The following COL18A1 variants were observed in gnomAD, a reference collection of about 807,000 sequenced individuals.
COL18A1 encodes collagen type XVIII alpha 1 chain.
COL18A1 carries 133 observed loss-of-function variants against 168.0 expected under a neutral mutation model. That is an observed-to-expected ratio of 0.79 (90% CI 0.69 to 0.91). The LOEUF (loss-of-function observed/expected upper bound fraction) is 0.91, where lower values mean the gene tolerates loss of function less well. COL18A1 is among the 40% of genes least tolerant of loss of function. The pLI is 0.00. For synonymous variants in COL18A1, 949 were observed against 809.0 expected (o/e 1.17, Z -2.94); for missense variants, 2,126 against 1,925.4 (o/e 1.10, Z -1.95).
intron 2 of COL18A1, among the ~76,000 whole-genome samples, chr21:45,442,961 G>GGGT (rs2034416839): frequency 2.2e-5 from 3 of 134,880 alleles, no homozygotes; most frequent in Non-Finnish European, 4.6e-5. Flanking sequence ...GTGCTGATGT[G>GGGT]GGTGGTGGTG....
chr21:45,442,835 C>CGGTCCTGGTGTGGGCGGA (rs1261501195), intron 2 of COL18A1, among the ~76,000 whole-genome samples: 1 of 136,028 alleles, frequency 7.4e-6, no homozygotes, highest in Non-Finnish European at 1.6e-5. Context: ...GTGTGGGCGG[C>CGGTCCTGGTGTGGGCGGA]GGTCCTGGTG....
At position 45,446,174 on chromosome 21, in the gene COL18A1, G is replaced by A. The variant is rs954059860; in HGVS notation, c.107-22068G>A. Among the ~76,000 whole-genome samples, 4 of 152,298 alleles carry A rather than the reference G, an allele frequency of 2.6e-5. No individual in the cohort carries two copies. In the East Asian group the frequency reaches 7.7e-4, roughly 29 times the overall value. ...TCTGTTCGTTGGCCCAGCACCGTTT[G>A]TTGAAGGCTGCTCTTTCCTCACTGA... On this transcript the variant is annotated intron_variant, in intron 2 of 41. Coordinates refer to ENST00000651438, the MANE Select transcript of COL18A1 (RefSeq NM_001379500.1).
intron 26 of COL18A1, 97 bp downstream of exon 26, chr21:45,493,672 C>T: frequency 2.2e-6 from 2 of 889,668 alleles, no homozygotes; most frequent in Non-Finnish European, 1.8e-6. Context: ...GCTCCTGATG[C>T]ACGAGCCTCT....
intron 12 of COL18A1, 47 bp from the exon 13 acceptor site, chr21:45,480,653 G>A (rs1190303060): frequency 1.2e-6 from 2 of 1,611,178 alleles, no homozygotes; most frequent in Admixed American, 1.7e-5. Flanking sequence ...GGTCATCCCT[G>A]GTGGGTGCCA....
chr21:45,492,748 G>GCC (rs1555870091), intron 24 of COL18A1, 35 bp downstream of exon 24: 38 of 1,530,320 alleles, frequency 2.5e-5, no homozygotes, highest in Non-Finnish European at 3.1e-5. Flanking sequence ...CATGCTGCCC[G>GCC]GCTGGGGAGG....
In COL18A1 at chr21:45,476,369, A is replaced by C; in HGVS notation, c.817A>C (p.Arg273=). The change falls in exon 6 of 42, where the codon AGG becomes CGG. Residue 273 remains arginine, a synonymous_variant. Transcript: ENST00000651438. ...CCTCCAGGGCGCGGCCCTAAAACCC[A>C]GGCTCCCCGCGCCACCCCCCGTCAC... ...REETGAALKP[R]LPAPPPVTTP... is the part of the protein sequence containing the mutation. 1 of 1,614,044 alleles carries C rather than the reference A, an allele frequency of 6.2e-7. No homozygotes were observed. The highest frequency in any genetic ancestry group is 8.5e-7 in the Non-Finnish European group (1 of 1,180,002).
At chr21:45,499,322 GAC>G (rs2036655127) in intron 32 of COL18A1, among the ~76,000 whole-genome samples, 1 of 152,266 alleles carries the variant, frequency 6.6e-6, no homozygotes. Flanking sequence ...GATGGGGAGA[GAC>G]AACGCTGGCA....
intron 3 of COL18A1, among the ~76,000 whole-genome samples, chr21:45,470,127 G>A (rs897775038): frequency 3.9e-5 from 6 of 152,244 alleles, no homozygotes; most frequent in Middle Eastern, 3.2e-3. Context: ...AGGGAGAGCC[G>A]GGCCACCGCC....
chr21:45,490,850 C>A lies in COL18A1; in HGVS notation c.2046C>A (p.Asp682Glu). 1 of 1,550,112 alleles carries A rather than the reference C, an allele frequency of 6.5e-7. No homozygotes were observed. ...GIAGPQGPKG[D>E]RGSRGEKGDP... ...TGTCTCTCCAGGGGCCAAAGGGAGA[C>A]AGAGGCAGCCGGGGAGAAAAGGTGA... is the stretch of plus-strand genomic sequence containing the variant. The change falls in exon 21 of 42, where the codon GAC (aspartate) becomes GAA (glutamate). Residue 682 changes from aspartate to glutamate, a missense_variant. By Grantham distance (45) the Asp-to-Glu change is conservative. Coordinates refer to ENST00000651438, the MANE Select transcript of COL18A1 (RefSeq NM_001379500.1).
chr21:45,505,262 T>A lies in COL18A1; in HGVS notation c.2997T>A (p.Pro999=), dbSNP rs778364546. The part of the protein sequence containing the change: ...PPGPPGPPSF[P]GPHRQTISVP... Reference sequence around the variant, plus strand: ...GCCCCCCAGGGCCCCCTTCATTTCCTGGCCCTCACAGGCAGAGTAAGTCAG... The same window carrying A: ...GCCCCCCAGGGCCCCCTTCATTTCCAGGCCCTCACAGGCAGAGTAAGTCAG... Residue 999 remains proline (P), a synonymous_variant, in exon 35 of 42, where the codon CCT becomes CCA. Transcript: ENST00000651438. 6.2e-7 allele frequency: 1 copy of A among 1,607,854 alleles called. No individual in the cohort carries two copies. Among genetic ancestry groups the A allele is most frequent in the Admixed American group, 1.7e-5 (1 of 59,956 alleles).
Position 45,457,683 on chromosome 21 carries a change from T to G in COL18A1, c.107-10559T>G, listed in dbSNP as rs2034888420. On this transcript the variant is annotated intron_variant, in intron 2 of 41. Coordinates refer to ENST00000651438, the MANE Select transcript of COL18A1 (RefSeq NM_001379500.1). The surrounding 1 kb of genome is among the most constrained non-coding windows in gnomAD (Gnocchi z 4.6). ...CTGAGCTGTGCCTGCCCCATTCAGA[T>G]TCTGCTTGCTATGTGCACCTGGCAG... is the stretch of plus-strand genomic sequence containing the variant. Among the ~76,000 whole-genome samples the G allele has an allele frequency of 6.6e-6, 1 of 152,194 alleles. No homozygotes were observed. The highest frequency in any genetic ancestry group is 2.1e-4 in the South Asian group (1 of 4,826).
chr21:45,490,808 A>G (rs370893379), intron 20 of COL18A1, 28 bp from the exon 21 acceptor site: 790 of 1,549,498 alleles, frequency 5.1e-4, no homozygotes, highest in Non-Finnish European at 6.2e-4. Context: ...TCTGTTGGTG[A>G]TGAACCATTT....
rs1488653154 is a variant in COL18A1 at position 45,425,839 on chromosome 21, A to G, written c.106+20366A>G. 6.6e-6 allele frequency among the ~76,000 whole-genome samples: 1 copy of G among 152,116 alleles called. No individual in the cohort carries two copies. ...ATTCACGAGATCCACATTTATCCCAAGTTAGAACAGCACATCTGTGCGTGC... is the reference window on the plus strand; with the variant it reads ...ATTCACGAGATCCACATTTATCCCAGGTTAGAACAGCACATCTGTGCGTGC... On this transcript the variant is annotated intron_variant, in intron 2 of 41. Transcript: ENST00000651438. The surrounding 1 kb of genome is among the most constrained non-coding windows in gnomAD (Gnocchi z 4.1).
chr21:45,490,985 C>T, intron 21 of COL18A1, 114 bp downstream of exon 21: 4 of 1,073,926 alleles, frequency 3.7e-6, no homozygotes, highest in Non-Finnish European at 5.6e-6. Flanking sequence ...CTCAGAGACT[C>T]AGGGCAAAGA....
At chr21:45,434,630 G>A (rs1444652109) in intron 2 of COL18A1, among the ~76,000 whole-genome samples, 1 of 152,196 alleles carries the variant, frequency 6.6e-6, no homozygotes, top group Non-Finnish European at 1.5e-5. Flanking sequence ...TCTCCTCAGA[G>A]GGTGGCAGAG....
intron 36 of COL18A1, 90 bp downstream of exon 36, chr21:45,505,521 C>T: frequency 1.3e-6 from 1 of 761,004 alleles, no homozygotes; most frequent in East Asian, 2.7e-5. Flanking sequence ...CTCCCACGGA[C>T]CCCACAGGGA....
At chr21:45,500,825 TGTG>T (rs2036763645) in intron 32 of COL18A1, among the ~76,000 whole-genome samples, 2 of 58,980 alleles carry the variant, frequency 3.4e-5, no homozygotes, top group African/African-American at 1.2e-4. Flanking sequence ...GGGTGTGTAG[TGTG>T]GGGGTGTGGT....
chr21:45,432,232 T>C (rs1191111947), intron 2 of COL18A1, among the ~76,000 whole-genome samples: 1 of 137,810 alleles, frequency 7.3e-6, no homozygotes, highest in Admixed American at 7.1e-5. Context: ...GTCCTGAAGG[T>C]CAGAGCTGGG....
chr21:45,501,184 G>C (rs2036800848), intron 32 of COL18A1, among the ~76,000 whole-genome samples: 1 of 151,946 alleles, frequency 6.6e-6, no homozygotes, highest in South Asian at 2.1e-4. Context: ...TGAGACAACG[G>C]AGCAAGTCTA....
Sources: allele counts gnomAD v4.1 joint callset (sites outside exome capture counted in the v4.1 genomes callset), GRCh38; gene constraint gnomAD v4.1.1; non-coding constraint Gnocchi (gnomAD v3.1); transcripts MANE v1.5; gene names NCBI Gene and HGNC (gene_info 2026-07-23, HGNC 2026-07-21).